The following TXNRD3 variants were observed in gnomAD, a reference collection of about 807,000 sequenced individuals.
The protein encoded by TXNRD3 is thioredoxin reductase 3.
Under a neutral mutation model 78.2 loss-of-function variants are expected in TXNRD3, and 68 were observed. The observed-to-expected ratio is 0.87, with a 90% CI of 0.72 to 1.06. The LOEUF is 1.06. Among genes scored for constraint, TXNRD3 ranks in the 50% least tolerant of loss-of-function variants. The pLI, the probability that TXNRD3 is intolerant of heterozygous loss-of-function variation, is 0.00. For missense variants in TXNRD3, 751 were observed against 809.5 expected (o/e 0.93, Z 0.88); for synonymous variants, 296 against 300.1 (o/e 0.99, Z 0.14).
At chr3:126,618,269 T>C (rs1938360999) in intron 12 of TXNRD3, among the ~76,000 whole-genome samples, 1 of 152,006 alleles carries the variant, frequency 6.6e-6, no homozygotes, top group Non-Finnish European at 1.5e-5. Context: ...GCGAAAGTAA[T>C]ACTGAACAAA....
intron 1 of TXNRD3, among the ~76,000 whole-genome samples, chr3:126,652,492 G>A (rs576328818): frequency 1.1e-4 from 16 of 152,262 alleles, no homozygotes; most frequent in Non-Finnish European, 2.2e-4. Flanking sequence ...ACAGCAGCAG[G>A]TCCTCAAATA....
intron 6 of TXNRD3, among the ~76,000 whole-genome samples, chr3:126,636,259 T>C (rs1938859272): frequency 6.6e-6 from 1 of 152,230 alleles, no homozygotes; most frequent in Admixed American, 6.5e-5. Flanking sequence ...ATATATTCTA[T>C]GTATGTTGTA....
intron 6 of TXNRD3, among the ~76,000 whole-genome samples, chr3:126,639,656 A>T (rs1933007836): frequency 6.6e-6 from 1 of 151,958 alleles, no homozygotes; most frequent in Non-Finnish European, 1.5e-5. Flanking sequence ...TGCAGCCTTG[A>T]CCTCCTTGGA....
intron 10 of TXNRD3, among the ~76,000 whole-genome samples, chr3:126,627,180 C>G (rs1185093764): frequency 1.3e-5 from 2 of 152,118 alleles, no homozygotes; most frequent in African/African-American, 4.8e-5. Context: ...TAGGTATCTA[C>G]CCACAGGAAA....
At chr3:126,620,859 T>C (rs978005816) in intron 12 of TXNRD3, among the ~76,000 whole-genome samples, 1 of 152,204 alleles carries the variant, frequency 6.6e-6, no homozygotes, top group Non-Finnish European at 1.5e-5. Flanking sequence ...GCATTGTGTT[T>C]GGGACAATTT....
In TXNRD3 at chr3:126,607,718, C is replaced by A; in HGVS notation, c.*187G>T. On this transcript the variant is annotated 3_prime_UTR_variant, in exon 16 of 16. Transcript: ENST00000524230. ...CACTGCTTCTCGCTGTCAGCAAGAC[C>A]ACAAGGCAGATGCCCACTGCTGTCC... 1 of 389,302 alleles carries A rather than the reference C, an allele frequency of 2.6e-6. No homozygotes were observed. The highest frequency in any genetic ancestry group is 4.5e-6 in the Non-Finnish European group (1 of 222,280). The allele number at this position is 389,302 out of a possible 1,614,324, so 24.1% of individuals were successfully genotyped here.
At chr3:126,646,561 C>A (rs1002483261) in intron 2 of TXNRD3, among the ~76,000 whole-genome samples, 14 of 152,168 alleles carry the variant, frequency 9.2e-5, no homozygotes, top group African/African-American at 3.1e-4. Context: ...ATACTTCTTA[C>A]AATTACATTT....
chr3:126,644,155 A>G (rs1160302695), intron 4 of TXNRD3, 102 bp from the exon 5 acceptor site: 5 of 1,386,022 alleles, frequency 3.6e-6, no homozygotes, highest in Non-Finnish European at 4.9e-6. Flanking sequence ...TGTGTGACAC[A>G]CAATCTTTTA....
At position 126,608,107 on chromosome 3, in the gene TXNRD3, T is replaced by C. The variant is rs1008481644; in HGVS notation, c.1864-134A>G. On this transcript the variant is annotated intron_variant, in intron 15 of 15. Transcript: ENST00000524230. Reference sequence around the variant, plus strand: ...CAGGCATGGTGGCTCATGCCTGTAATCCCAGTACTTTGGGAGGCTGAGGCA... The same window carrying C: ...CAGGCATGGTGGCTCATGCCTGTAACCCCAGTACTTTGGGAGGCTGAGGCA... The C allele has an allele frequency of 6.7e-5, 44 of 660,230 alleles. No individual in the cohort carries two copies. In the African/African-American group the frequency reaches 7.5e-4, roughly 11 times the overall value. The allele number at this position is 660,230 out of a possible 1,614,324, so 40.9% of individuals were successfully genotyped here. A position where few individuals can be genotyped will look rare whatever the true frequency, so the allele number is the denominator to read the frequency against.
Position 126,607,931 on chromosome 3 carries a change from T to C in TXNRD3, c.1906A>G (p.Ile636Val), listed in dbSNP as rs1220580637. The stretch of plus-strand genomic sequence containing the variant: ...TAGCCTCAGCAGCCTTTCTGAGTGA[T>C]GTCTAGTCCTGACGACTTTGTGATT... Residue 636 changes from isoleucine to valine, a missense_variant, in exon 16 of 16, where the codon ATC becomes GTC. Coordinates refer to ENST00000524230, the MANE Select transcript of TXNRD3 (RefSeq NM_052883.3). 1.3e-6 allele frequency: 2 copies of C among 1,511,224 alleles called. No homozygotes were observed. Among genetic ancestry groups the C allele is most frequent in the Admixed American group, 3.9e-5 (2 of 50,672 alleles). The allele number at this position is 1,511,224 out of a possible 1,614,324, so 93.6% of individuals were successfully genotyped here. A position where few individuals can be genotyped will look rare whatever the true frequency, so the allele number is the denominator to read the frequency against.
intron 1 of TXNRD3, among the ~76,000 whole-genome samples, chr3:126,649,772 C>T (rs2107629844): frequency 6.6e-6 from 1 of 152,296 alleles, no homozygotes; most frequent in Non-Finnish European, 1.5e-5. Context: ...TGACTCAACT[C>T]ATATGAGGTA....
chr3:126,640,309 G>T (rs1357292149), intron 6 of TXNRD3, among the ~76,000 whole-genome samples: 8 of 16,128 alleles, frequency 5.0e-4, no homozygotes, highest in African/African-American at 9.0e-4. Flanking sequence ...GGGTTTCACC[G>T]TGTTAGCCAG....
intron 1 of TXNRD3, 62 bp downstream of exon 1, chr3:126,654,686 C>G (rs1418540795): frequency 8.6e-7 from 1 of 1,159,460 alleles, no homozygotes; most frequent in South Asian, 3.8e-5. Context: ...CGCCCTGCCC[C>G]GGGTGGCGTC....
chr3:126,621,259 A>G (rs1256346698), intron 12 of TXNRD3, among the ~76,000 whole-genome samples: 3 of 152,228 alleles, frequency 2.0e-5, no homozygotes, highest in Non-Finnish European at 4.4e-5. Context: ...TCAGAAGTTA[A>G]ACAACCTGAC....
intron 6 of TXNRD3, among the ~76,000 whole-genome samples, chr3:126,637,100 G>T (rs1003203141): frequency 7.2e-5 from 11 of 152,110 alleles, no homozygotes; most frequent in African/African-American, 2.7e-4. Flanking sequence ...AACACTAATG[G>T]TACCTTTTGG....
intron 6 of TXNRD3, among the ~76,000 whole-genome samples, chr3:126,634,648 G>C (rs1938809147): frequency 6.6e-6 from 1 of 152,154 alleles, no homozygotes; most frequent in South Asian, 2.1e-4. Context: ...CGTCATCCCT[G>C]TATCTTCTAG....
intron 1 of TXNRD3, among the ~76,000 whole-genome samples, chr3:126,652,105 T>C (rs1933405802): frequency 6.6e-6 from 1 of 152,204 alleles, no homozygotes; most frequent in Admixed American, 6.5e-5. Flanking sequence ...CTCACGGTTC[T>C]GTAGACTCTA....
At chr3:126,630,689 T>C (rs766908786) in intron 9 of TXNRD3, 23 bp downstream of exon 9, 1 of 1,529,680 alleles carries the variant, frequency 6.5e-7, no homozygotes, top group South Asian at 1.2e-5. Context: ...AGAAAAAAAA[T>C]TGCAAATGCC....
chr3:126,644,057 C>A lies in TXNRD3; in HGVS notation c.520-4G>T. On this transcript the variant is annotated splice_polypyrimidine_tract_variant and splice_region_variant and intron_variant, in intron 4 of 15. Coordinates refer to ENST00000524230, the MANE Select transcript of TXNRD3 (RefSeq NM_052883.3). ...TCTTTCCCAAAATGGCAGCTTCCTA[C>A]AAACGAACAACAACAAAAATTACGT... is the stretch of plus-strand genomic sequence containing the variant. 6.5e-7 allele frequency: 1 copy of A among 1,535,618 alleles called. No individual in the cohort carries two copies. Among genetic ancestry groups the A allele is most frequent in the Non-Finnish European group, 8.7e-7 (1 of 1,146,788 alleles).
Sources: gnomAD v4.1 joint callset for allele counts (sites outside exome capture counted in the v4.1 genomes callset) on GRCh38, gnomAD v4.1.1 for gene constraint, MANE v1.5 for transcripts, NCBI Gene and HGNC (gene_info 2026-07-23, HGNC 2026-07-21) for gene names.